The following RFX3 variants were observed in gnomAD, a reference collection of about 807,000 sequenced individuals.
RFX3 encodes the protein regulatory factor X3.
A neutral mutation model predicts 98.6 loss-of-function variants in RFX3; 14 were observed. The observed-to-expected ratio is 0.14, with a 90% confidence interval of 0.09 to 0.22. The LOEUF (loss-of-function observed/expected upper bound fraction) is 0.22, where lower values mean the gene tolerates loss of function less well. Ranked by LOEUF, RFX3 falls within the 10% of genes least tolerant of loss-of-function variation. RFX3 has a pLI of 1.00. For synonymous variants in RFX3, 383 were observed against 328.4 expected (o/e 1.17, Z -1.80); for missense variants, 639 against 926.9 (o/e 0.69, Z 4.03).
chr9:3,394,837 C>T, intron 2 of RFX3: 1 of 985,308 alleles, frequency 1.0e-6, no homozygotes, highest in Non-Finnish European at 1.2e-6. Context: ...CATACATGAA[C>T]AGCATTACTT....
At chr9:3,262,508 T>A (rs1206940116) in intron 13 of RFX3, among the ~76,000 whole-genome samples, 1 of 152,208 alleles carries the variant, frequency 6.6e-6, no homozygotes. Flanking sequence ...TATCTCTGCA[T>A]GTCATGGTAC....
chr9:3,326,867 T>C (rs17715422), intron 4 of RFX3, among the ~76,000 whole-genome samples: 6,857 of 152,252 alleles, frequency 0.045, 175 homozygotes, highest in Non-Finnish European at 0.056. Flanking sequence ...TCAACTGAAT[T>C]AATTGACTAT....
chr9:3,344,740 A>G (rs767748310), intron 3 of RFX3: 15 of 648,156 alleles, frequency 2.3e-5, no homozygotes, highest in Non-Finnish European at 3.6e-5. Flanking sequence ...GGTGACCTCT[A>G]GCAGTGTCTA....
intron 9 of RFX3, among the ~76,000 whole-genome samples, chr9:3,273,340 A>C (rs1208270813): frequency 6.6e-6 from 1 of 152,152 alleles, no homozygotes; most frequent in African/African-American, 2.4e-5. Flanking sequence ...ATAAATGGGG[A>C]TCATTCTGTG....
chr9:3,494,747 T>C (rs1447909715), intron 1 of RFX3, among the ~76,000 whole-genome samples: 1 of 152,158 alleles, frequency 6.6e-6, no homozygotes, highest in African/African-American at 2.4e-5. Flanking sequence ...TACATTTTTA[T>C]AAAATCCATT....
At chr9:3,311,618 C>A (rs1442249306) in intron 4 of RFX3, among the ~76,000 whole-genome samples, 1 of 152,202 alleles carries the variant, frequency 6.6e-6, no homozygotes, top group African/African-American at 2.4e-5. Context: ...GGCGTGGTGG[C>A]TCTCACCTGT....
At chr9:3,435,887 G>C (rs115586022) in intron 1 of RFX3, among the ~76,000 whole-genome samples, 1,616 of 150,280 alleles carry the variant, frequency 0.011, 33 homozygotes, top group African/African-American at 0.038. Context: ...TCATGATGCT[G>C]CTCTCTCAAC....
intron 14 of RFX3, among the ~76,000 whole-genome samples, chr9:3,252,287 A>T (rs533597989): frequency 6.6e-6 from 1 of 152,340 alleles, no homozygotes; most frequent in East Asian, 1.9e-4. Flanking sequence ...CAAGACAGAC[A>T]AAATTTGGTT....
chr9:3,291,761 T>A (rs1449535682), intron 6 of RFX3, among the ~76,000 whole-genome samples: 1 of 152,106 alleles, frequency 6.6e-6, no homozygotes, highest in Admixed American at 6.6e-5. Context: ...ACATTTTTAA[T>A]GAAGTCAATT....
chr9:3,479,596 AG>A (rs1414644986), intron 1 of RFX3, among the ~76,000 whole-genome samples: 1 of 152,190 alleles, frequency 6.6e-6, no homozygotes, highest in Non-Finnish European at 1.5e-5. Flanking sequence ...TCAAAAACAA[AG>A]GTGATTACTG....
At chr9:3,429,332 T>C (rs1844430629) in intron 1 of RFX3, among the ~76,000 whole-genome samples, 1 of 150,722 alleles carries the variant, frequency 6.6e-6, no homozygotes, top group South Asian at 2.1e-4. Flanking sequence ...AATTTTTAGT[T>C]ATTCTTATGA....
intron 14 of RFX3, among the ~76,000 whole-genome samples, chr9:3,248,965 C>T (rs1008678868): frequency 6.6e-6 from 1 of 151,870 alleles, no homozygotes; most frequent in Admixed American, 6.6e-5. Flanking sequence ...CTTCAACATG[C>T]CAATCATTAA....
chr9:3,253,255 G>A (rs991564013), intron 14 of RFX3, among the ~76,000 whole-genome samples: 1 of 152,160 alleles, frequency 6.6e-6, no homozygotes, highest in Non-Finnish European at 1.5e-5. Flanking sequence ...CTTCAGGTGA[G>A]AACATCACGC....
intron 1 of RFX3, among the ~76,000 whole-genome samples, chr9:3,410,999 T>C (rs967427968): frequency 6.6e-6 from 1 of 152,168 alleles, no homozygotes; most frequent in Non-Finnish European, 1.5e-5. Context: ...ATTTTCTATG[T>C]AATCTTGCTT....
At chr9:3,275,427 C>T (rs748535971) in intron 9 of RFX3, 73 bp downstream of exon 9, 1 of 829,438 alleles carries the variant, frequency 1.2e-6, no homozygotes, top group African/African-American at 1.7e-5. Context: ...TAGGAATAAG[C>T]TTGATTATTT....
chr9:3,289,364 G>A (rs760737025), intron 6 of RFX3, among the ~76,000 whole-genome samples: 11 of 151,988 alleles, frequency 7.2e-5, no homozygotes, highest in Non-Finnish European at 1.6e-4. Flanking sequence ...CATGCTTTCA[G>A]CACAATAAAG....
chr9:3,297,922 T>C (rs1230613799), intron 5 of RFX3, among the ~76,000 whole-genome samples: 1 of 151,898 alleles, frequency 6.6e-6, no homozygotes, highest in Non-Finnish European at 1.5e-5. Flanking sequence ...AAGTAGTTTG[T>C]AAATAAGTGA....
chr9:3,360,531 C>T (rs1258423193), intron 2 of RFX3, among the ~76,000 whole-genome samples: 1 of 151,892 alleles, frequency 6.6e-6, no homozygotes, highest in African/African-American at 2.4e-5. Flanking sequence ...AAAAATTATC[C>T]CCCAAATATA....
At chr9:3,305,383 G>A (rs1385426500) in intron 4 of RFX3, among the ~76,000 whole-genome samples, 2 of 151,960 alleles carry the variant, frequency 1.3e-5, no homozygotes, top group African/African-American at 2.4e-5. Context: ...TAGGTATAAT[G>A]GGGCCATGCT....
Sources: allele counts gnomAD v4.1 joint callset (sites outside exome capture counted in the v4.1 genomes callset), GRCh38; gene constraint gnomAD v4.1.1; transcripts MANE v1.5; gene names NCBI Gene and HGNC (gene_info 2026-07-23, HGNC 2026-07-21).